EZR: variants seen among roughly 807,000 people sequenced by gnomAD.
EZR encodes ezrin.
In EZR, 40 loss-of-function variants were observed where a neutral mutation model predicts 74.8. The ratio of observed to expected loss-of-function variants is 0.53; its 90% CI spans 0.42 to 0.70. EZR has a LOEUF of 0.70. Among genes scored for constraint, EZR ranks in the 30% least tolerant of loss-of-function variants. The pLI is 0.00. For synonymous variants in EZR, 341 were observed against 283.3 expected, an observed-to-expected ratio of 1.20 and a Z score of -2.05; for missense variants, 678 against 755.8, an observed-to-expected ratio of 0.90 and a Z score of 1.21.
chr6:158,787,848 G>A (rs938807289), intron 3 of EZR, among the ~76,000 whole-genome samples: 5 of 152,208 alleles, frequency 3.3e-5, no homozygotes, highest in African/African-American at 1.2e-4. Flanking sequence ...TACAGCAAAG[G>A]TAGAATCCCG....
intron 10 of EZR, among the ~76,000 whole-genome samples, 168 bp from the exon 11 acceptor site, chr6:158,770,112 T>C (rs1583555020): frequency 6.6e-6 from 1 of 152,356 alleles, no homozygotes; most frequent in East Asian, 1.9e-4. Context: ...TCATTGCTGC[T>C]GTATCCATGA....
At chr6:158,801,925 A>T (rs1338109674) in intron 2 of EZR, among the ~76,000 whole-genome samples, 1 of 152,228 alleles carries the variant, frequency 6.6e-6, no homozygotes, top group Admixed American at 6.5e-5. Flanking sequence ...AGCTGCAGAC[A>T]CTGTGCGTTG....
At chr6:158,801,665 A>G (rs548292098) in intron 2 of EZR, among the ~76,000 whole-genome samples, 1 of 152,342 alleles carries the variant, frequency 6.6e-6, no homozygotes, top group South Asian at 2.1e-4. Flanking sequence ...AATAGGAATA[A>G]TAAAATCATC....
intron 2 of EZR, among the ~76,000 whole-genome samples, chr6:158,809,659 G>T (rs1186840661): frequency 7.9e-5 from 12 of 152,314 alleles, no homozygotes; most frequent in African/African-American, 2.6e-4. Flanking sequence ...TGGAACCAAT[G>T]GGGTGGATCT....
At chr6:158,795,058 G>A (rs554416581) in intron 2 of EZR, among the ~76,000 whole-genome samples, 18 of 152,014 alleles carry the variant, frequency 1.2e-4, no homozygotes, top group South Asian at 6.3e-4. Flanking sequence ...CAAGACCAGC[G>A]CTGGCCAACA....
chr6:158,775,638 AGGT>A (rs955306935), intron 8 of EZR, among the ~76,000 whole-genome samples: 1 of 152,242 alleles, frequency 6.6e-6, no homozygotes, highest in African/African-American at 2.4e-5. Context: ...ACAGGCTCTA[AGGT>A]GGTAACAGAA....
At chr6:158,795,433 T>A (rs1372476483) in intron 2 of EZR, among the ~76,000 whole-genome samples, 2 of 118,604 alleles carry the variant, frequency 1.7e-5, no homozygotes, top group Non-Finnish European at 3.9e-5. Flanking sequence ...AAAAAAAAAA[T>A]TGTATTTGTG....
chr6:158,818,568 CG>C (rs1289338543), intron 1 of EZR, among the ~76,000 whole-genome samples: 7 of 83,882 alleles, frequency 8.3e-5, no homozygotes, highest in East Asian at 3.6e-4. Context: ...GCGCGGGCCC[CG>C]GGGAACACTC....
chr6:158,768,805 C>A (rs1467670227), intron 12 of EZR, among the ~76,000 whole-genome samples: 2 of 152,272 alleles, frequency 1.3e-5, no homozygotes, highest in South Asian at 4.1e-4. Context: ...GAAAATGAGG[C>A]TTGAAGAAGT....
rs764168528 is a variant in EZR at position 158,767,293 on chromosome 6, C to G, written c.1564G>C (p.Glu522Gln). 7 of 1,614,062 alleles carry G rather than the reference C, an allele frequency of 4.3e-6. No homozygotes were observed. Among genetic ancestry groups the G allele is most frequent in the East Asian group, 2.2e-5 (1 of 44,872 alleles). Residue 522 changes from glutamate (E) to glutamine (Q), a missense_variant, in exon 13 of 14, where the codon GAG (glutamate) becomes CAG (glutamine). Around this residue, in one of 3 missense-constraint regions of EZR, gnomAD observed 342 missense variants for 341.2 expected, o/e 1.00. Transcript: ENST00000367075. The stretch of plus-strand genomic sequence containing the variant: ...TGCCGCTGCACACGCTCGTTCTTCT[C>G]TGCCTCAGTGATGCGCTTCTCCTCA... ...RNEEKRITEA[E>Q]KNERVQRQLL...
intron 2 of EZR, among the ~76,000 whole-genome samples, chr6:158,802,359 T>C (rs942085113): frequency 6.6e-6 from 1 of 152,258 alleles, no homozygotes; most frequent in African/African-American, 2.4e-5. Context: ...AAATTTTAAC[T>C]GCCAGCAAGT....
intron 2 of EZR, among the ~76,000 whole-genome samples, chr6:158,795,256 A>C (rs993727763): frequency 7.9e-5 from 12 of 151,680 alleles, no homozygotes; most frequent in Admixed American, 6.6e-4. Flanking sequence ...CATCGCAAAA[A>C]ATAAATAAAT....
intron 2 of EZR, among the ~76,000 whole-genome samples, chr6:158,791,060 T>C (rs1158639714): frequency 1.3e-5 from 2 of 152,250 alleles, no homozygotes; most frequent in East Asian, 3.9e-4. Flanking sequence ...CACTTCCTAC[T>C]TCAGGAACAT....
chr6:158,818,554 G>A (rs914820582), intron 1 of EZR, among the ~76,000 whole-genome samples: 1 of 151,068 alleles, frequency 6.6e-6, no homozygotes, highest in African/African-American at 2.4e-5. Context: ...ATCGGGGGGA[G>A]GGGGCGCGGG....
At position 158,799,050 on chromosome 6, in the gene EZR, T is replaced by C. The variant is rs552872719; in HGVS notation, c.13-9679A>G. Among the ~76,000 whole-genome samples the C allele has an allele frequency of 2.0e-5, 3 of 152,334 alleles. No individual in the cohort carries two copies. In the East Asian group the frequency reaches 5.8e-4, roughly 29 times the overall value. On this transcript the variant is annotated intron_variant, in intron 2 of 13. Transcript: ENST00000367075. ...TGAACATCTCTCTCCCCCAGCCCTA[T>C]TCACGGCTGCTCACAAAAACATGAC...
intron 2 of EZR, among the ~76,000 whole-genome samples, chr6:158,792,651 C>G (rs573723785): frequency 6.6e-6 from 1 of 152,052 alleles, no homozygotes; most frequent in South Asian, 2.1e-4. Flanking sequence ...AACCCCATCT[C>G]TACTAAAAAT....
At chr6:158,804,262 A>G (rs2128575072) in intron 2 of EZR, among the ~76,000 whole-genome samples, 1 of 152,298 alleles carries the variant, frequency 6.6e-6, no homozygotes, top group African/African-American at 2.4e-5. Flanking sequence ...ATTCTTAGAC[A>G]CCACTTTCCC....
intron 2 of EZR, 188 bp from the exon 3 acceptor site, chr6:158,789,559 C>T (rs1389651341): frequency 2.7e-6 from 2 of 739,326 alleles, no homozygotes; most frequent in East Asian, 2.6e-5. Context: ...AGGAGGCACA[C>T]AGTGCAAACC....
intron 2 of EZR, among the ~76,000 whole-genome samples, chr6:158,803,576 T>TAC (rs1562504485): frequency 1.0e-4 from 2 of 19,462 alleles, no homozygotes; most frequent in Non-Finnish European, 8.6e-5. Flanking sequence ...TATATATATA[T>TAC]ATATACATAT....
Sources: allele counts gnomAD v4.1 joint callset (sites outside exome capture counted in the v4.1 genomes callset), GRCh38; gene constraint gnomAD v4.1.1; regional missense constraint gnomAD v4.1.1; transcripts MANE v1.5; gene names NCBI Gene and HGNC (gene_info 2026-07-23, HGNC 2026-07-21).